ERBB4: variants seen among roughly 807,000 people sequenced by gnomAD.
ERBB4 encodes the protein erb-b2 receptor tyrosine kinase 4.
In ERBB4, 42 loss-of-function variants were observed where a neutral mutation model predicts 158.0. That is an observed-to-expected ratio of 0.27 (90% CI 0.21 to 0.34). The LOEUF is 0.34. Among genes scored for constraint, ERBB4 ranks in the 10% least tolerant of loss-of-function variants. The pLI, the probability that ERBB4 is intolerant of heterozygous loss-of-function variation, is 1.00. For synonymous variants in ERBB4, 583 were observed against 558.7 expected (o/e 1.04, Z -0.61); for missense variants, 1,333 against 1,624.1 (o/e 0.82, Z 3.08).
At chr2:211,835,764 T>C (rs1295304171) in intron 3 of ERBB4, among the ~76,000 whole-genome samples, 2 of 152,096 alleles carry the variant, frequency 1.3e-5, no homozygotes, top group African/African-American at 2.4e-5. Flanking sequence ...TAATGAAAGA[T>C]TCAGTACCGT....
chr2:212,335,661 C>A (rs1156987916), intron 1 of ERBB4, among the ~76,000 whole-genome samples: 1 of 151,918 alleles, frequency 6.6e-6, no homozygotes, highest in African/African-American at 2.4e-5. Flanking sequence ...GTAACCACAG[C>A]AATCAGATTT....
At chr2:212,096,209 C>G (rs2078928899) in intron 2 of ERBB4, among the ~76,000 whole-genome samples, 1 of 151,894 alleles carries the variant, frequency 6.6e-6, no homozygotes, top group Non-Finnish European at 1.5e-5. Context: ...TTTAAGAGGT[C>G]AGTTACAATG....
Position 211,663,865 on chromosome 2 carries a change from G to C in ERBB4, c.1871+1458C>G, listed in dbSNP as rs1279653161. Among the ~76,000 whole-genome samples, 3 of 152,062 alleles carry C rather than the reference G, an allele frequency of 2.0e-5. No homozygotes were observed. The East Asian group carries it at 5.8e-4, about 29-fold the overall frequency. ...GGCAAAGTTTTCTCTTTCTGTTGCT[G>C]ACTCTTTCTTCTGCTCCAGCAGAAC... is the stretch of plus-strand genomic sequence containing the variant. On this transcript the variant is annotated intron_variant, in intron 15 of 27. Transcript: ENST00000342788.
At chr2:211,630,436 AT>A in intron 17 of ERBB4, 25 bp downstream of exon 17, 1 of 1,612,706 alleles carries the variant, frequency 6.2e-7, no homozygotes, top group Non-Finnish European at 8.5e-7. Context: ...CCCCAAACAC[AT>A]GAAGAGGAGA....
intron 1 of ERBB4, among the ~76,000 whole-genome samples, chr2:212,434,787 T>C (rs940076340): frequency 4.6e-5 from 7 of 152,032 alleles, no homozygotes. Context: ...ATTACGTAGA[T>C]CATTCTTATT....
chr2:212,305,574 A>G (rs1301144465), intron 1 of ERBB4, among the ~76,000 whole-genome samples: 1 of 118,568 alleles, frequency 8.4e-6, no homozygotes, highest in Non-Finnish European at 2.2e-5. Flanking sequence ...GAATCAAAGC[A>G]AAAAAAACCT....
intron 5 of ERBB4, among the ~76,000 whole-genome samples, chr2:211,744,070 A>G (rs183810013): frequency 5.9e-5 from 9 of 152,332 alleles, no homozygotes; most frequent in African/African-American, 2.2e-4. Flanking sequence ...TATTTACAAC[A>G]TTCTTTAAGT....
chr2:211,722,357 C>A (rs111823910), intron 7 of ERBB4, 36 bp downstream of exon 7: 1 of 1,531,728 alleles, frequency 6.5e-7, no homozygotes. Flanking sequence ...CAAATAATGA[C>A]CTAATTAATT....
At chr2:211,904,566 G>A (rs2079326734) in intron 3 of ERBB4, among the ~76,000 whole-genome samples, 1 of 152,058 alleles carries the variant, frequency 6.6e-6, no homozygotes, top group East Asian at 1.9e-4. Context: ...CATAATATAT[G>A]TATATAAAAC....
chr2:211,714,923 C>T (rs1184713497), intron 7 of ERBB4, among the ~76,000 whole-genome samples: 5 of 152,138 alleles, frequency 3.3e-5, no homozygotes, highest in African/African-American at 7.2e-5. Flanking sequence ...CATCTCATAC[C>T]TATGGCTGTG....
At chr2:212,386,720 T>G (rs1287770859) in intron 1 of ERBB4, among the ~76,000 whole-genome samples, 6 of 151,976 alleles carry the variant, frequency 3.9e-5, no homozygotes, top group African/African-American at 1.4e-4. Context: ...CAACACTACT[T>G]CCTCTACCTG....
At chr2:212,417,944 A>AGG (rs1402390471) in intron 1 of ERBB4, among the ~76,000 whole-genome samples, 1 of 152,030 alleles carries the variant, frequency 6.6e-6, no homozygotes, top group African/African-American at 2.4e-5. Flanking sequence ...TGCAGTCATA[A>AGG]GGGTGAAGCT....
chr2:211,823,329 G>A (rs1175517696), intron 3 of ERBB4, among the ~76,000 whole-genome samples: 1 of 151,814 alleles, frequency 6.6e-6, no homozygotes, highest in Non-Finnish European at 1.5e-5. Context: ...TGGGTTTTGC[G>A]ATTGTGAGAT....
At position 212,275,933 on chromosome 2, in the gene ERBB4, A is replaced by T. The variant is rs558557835; in HGVS notation, c.83-151030T>A. Among the ~76,000 whole-genome samples, 5 of 151,942 alleles carry T rather than the reference A, an allele frequency of 3.3e-5. No homozygotes were observed. In the South Asian group the frequency reaches 1.0e-3, roughly 31 times the overall value. On this transcript the variant is annotated intron_variant, in intron 1 of 27. Transcript: ENST00000342788. Reference sequence around the variant, plus strand: ...TCGGTGTGCTGTACTTTTAATTTTTAGTATTTCTAGGCTATACAGATTGTT... The same window carrying T: ...TCGGTGTGCTGTACTTTTAATTTTTTGTATTTCTAGGCTATACAGATTGTT...
At chr2:212,009,147 G>C (rs2076325008) in intron 2 of ERBB4, among the ~76,000 whole-genome samples, 1 of 151,818 alleles carries the variant, frequency 6.6e-6, no homozygotes, top group South Asian at 2.1e-4. Context: ...TGTTGATTTG[G>C]TGTCCCCCAA....
intron 15 of ERBB4, among the ~76,000 whole-genome samples, chr2:211,660,556 A>G (rs2071386247): frequency 1.3e-5 from 2 of 152,208 alleles, no homozygotes; most frequent in African/African-American, 4.8e-5. Context: ...GGAGTTGATA[A>G]TTTCAGTTTT....
intron 1 of ERBB4, among the ~76,000 whole-genome samples, chr2:212,513,814 A>AAATAAAT (rs1553656326): frequency 2.6e-5 from 4 of 151,778 alleles, no homozygotes; most frequent in African/African-American, 9.7e-5. Flanking sequence ...TCCGTCTCAA[A>AAATAAAT]AAATAAATAA....
chr2:211,955,396 G>A (rs2080999646), intron 2 of ERBB4, among the ~76,000 whole-genome samples: 2 of 151,942 alleles, frequency 1.3e-5, no homozygotes, highest in Admixed American at 1.3e-4. Context: ...ATTTTCCTGA[G>A]CTGGCTGGAG....
chr2:212,131,718 G>A (rs904872642), intron 1 of ERBB4, among the ~76,000 whole-genome samples: 2 of 152,150 alleles, frequency 1.3e-5, no homozygotes, highest in African/African-American at 4.8e-5. Flanking sequence ...ATTCCTGTGG[G>A]CGTCTCTTAG....
Sources: allele counts gnomAD v4.1 joint callset (sites outside exome capture counted in the v4.1 genomes callset), GRCh38; gene constraint gnomAD v4.1.1; transcripts MANE v1.5; gene names NCBI Gene and HGNC (gene_info 2026-07-23, HGNC 2026-07-21).